The following BCAS3 variants were observed in gnomAD, a reference collection of about 807,000 sequenced individuals.
The protein encoded by BCAS3 is BCAS3 microtubule associated cell migration factor.
Under a neutral mutation model 116.1 loss-of-function variants are expected in BCAS3, and 53 were observed. The ratio of observed to expected loss-of-function variants is 0.46; its 90% confidence interval spans 0.37 to 0.57. The LOEUF (loss-of-function observed/expected upper bound fraction) is 0.57. Among genes scored for constraint, BCAS3 ranks in the 20% least tolerant of loss-of-function variants. The pLI is 0.00. For missense variants in BCAS3, 917 were observed against 1,165.4 expected (o/e 0.79, Z 3.10); for synonymous variants, 391 against 408.2 (o/e 0.96, Z 0.51).
Position 61,087,968 on chromosome 17 carries a change from G to GGT in BCAS3, c.2425+3405_2425+3406dup, listed in dbSNP as rs1306166226. ...GAGGCCGAAGCGGTGGATCACTTGA[G>GGT]GTCAGGTGTTTGAGACCAGCCTGGC... is the stretch of plus-strand genomic sequence containing the variant. On this transcript the variant is annotated intron_variant, in intron 22 of 23. Coordinates refer to ENST00000407086, the MANE Select transcript of BCAS3 (RefSeq NM_017679.5). This position sits in a 1 kb window ranked among gnomAD's most constrained non-coding sequence, Gnocchi z 4.6. Among the ~76,000 whole-genome samples, 1 of 152,090 alleles carries GGT rather than the reference G, an allele frequency of 6.6e-6. No homozygotes were observed. Among genetic ancestry groups the GGT allele is most frequent in the African/African-American group, 2.4e-5 (1 of 41,394 alleles).
chr17:61,377,481 G>A lies in BCAS3; in HGVS notation c.2593+8987G>A, dbSNP rs573991650. On this transcript the variant is annotated intron_variant, in intron 23 of 23. Coordinates refer to ENST00000407086, the MANE Select transcript of BCAS3 (RefSeq NM_017679.5). This position sits in a 1 kb window ranked among gnomAD's most constrained non-coding sequence, Gnocchi z 4.6. ...TTCCCAGCACCAAGCTCCCGCTATTGGGAAGAATGTGGTGTTTTTTTCCCC... is the reference window on the plus strand; with the variant it reads ...TTCCCAGCACCAAGCTCCCGCTATTAGGAAGAATGTGGTGTTTTTTTCCCC... Among the ~76,000 whole-genome samples, 1 of 152,228 alleles carries A rather than the reference G, an allele frequency of 6.6e-6. No individual in the cohort carries two copies. The highest frequency in any genetic ancestry group is 1.5e-5 in the Non-Finnish European group (1 of 68,046).
chr17:60,727,250 G>A, intron 5 of BCAS3: 1 of 1,006,816 alleles, frequency 9.9e-7, no homozygotes, highest in Non-Finnish European at 1.6e-6. Flanking sequence ...CATCCTCTTG[G>A]ATCTGCAGTT....
At chr17:61,044,578 T>C (rs572344457) in intron 19 of BCAS3, among the ~76,000 whole-genome samples, 1 of 151,528 alleles carries the variant, frequency 6.6e-6, no homozygotes, top group Admixed American at 6.6e-5. Flanking sequence ...AACTTATCAA[T>C]GATGTTAAAT....
At chr17:61,277,273 A>C (rs2050843842) in intron 22 of BCAS3, among the ~76,000 whole-genome samples, 1 of 151,340 alleles carries the variant, frequency 6.6e-6, no homozygotes, top group Non-Finnish European at 1.5e-5. Flanking sequence ...AAAAAAAAAA[A>C]AAAAAAAAAA....
chr17:61,180,616 G>A lies in BCAS3; in HGVS notation c.2425+96052G>A, dbSNP rs1208022135. 1.3e-5 allele frequency among the ~76,000 whole-genome samples: 2 copies of A among 152,204 alleles called. No individual in the cohort carries two copies. The highest frequency in any genetic ancestry group is 2.9e-5 in the Non-Finnish European group (2 of 68,034). On this transcript the variant is annotated intron_variant, in intron 22 of 23. Coordinates refer to ENST00000407086, the MANE Select transcript of BCAS3 (RefSeq NM_017679.5). This position sits in a 1 kb window ranked among gnomAD's most constrained non-coding sequence, Gnocchi z 6.0. ...CTCAGAGGACCCAATAGCAAATGAG[G>A]CACTTAGATAGCATGTGATGGCAGA...
At chr17:61,157,690 G>A (rs1428627227) in intron 22 of BCAS3, among the ~76,000 whole-genome samples, 1 of 147,168 alleles carries the variant, frequency 6.8e-6, no homozygotes, top group Non-Finnish European at 1.5e-5. Flanking sequence ...TTTCAGTGGA[G>A]AGGCTCGCCA....
chr17:61,040,239 T>A (rs1226983545), intron 18 of BCAS3, among the ~76,000 whole-genome samples: 1 of 152,208 alleles, frequency 6.6e-6, no homozygotes, highest in Admixed American at 6.5e-5. Flanking sequence ...GCTGGATTGA[T>A]CTGATCAATA....
rs748261050 is a variant in BCAS3, at chr17:60,910,624, C to T, written c.915C>T (p.Ile305=). Reference sequence around the variant, plus strand: ...GTGTGACAGAAGATGATGTTGCCATCCACAGTAATTCACGGCGGAGTCCTT... The same window carrying T: ...GTGTGACAGAAGATGATGTTGCCATTCACAGTAATTCACGGCGGAGTCCTT... ...PSGVTEDDVA[I]HSNSRRSPLV... is the part of the protein sequence containing the mutation. The change falls in exon 12 of 24, where the codon ATC becomes ATT. Residue 305 remains isoleucine (I), a synonymous_variant. Transcript: ENST00000407086. The T allele has an allele frequency of 6.2e-7, 1 of 1,613,640 alleles. No individual in the cohort carries two copies. Among genetic ancestry groups the T allele is most frequent in the South Asian group, 1.1e-5 (1 of 91,044 alleles).
At position 61,285,815 on chromosome 17, in the gene BCAS3, G is replaced by GT. The variant is rs1179698974; in HGVS notation, c.2426-82509dup. ...AAAGGAGCCTGCAGCTGAGCCTCGA[G>GT]TTTCTCATGTCTTCCCTCCCATCTC... On this transcript the variant is annotated intron_variant, in intron 22 of 23. Coordinates refer to ENST00000407086, the MANE Select transcript of BCAS3 (RefSeq NM_017679.5). The surrounding 1 kb of genome is among the most constrained non-coding windows in gnomAD (Gnocchi z 5.4). Among the ~76,000 whole-genome samples the GT allele has an allele frequency of 6.6e-6, 1 of 152,168 alleles. No homozygotes were observed. The highest frequency in any genetic ancestry group is 6.5e-5 in the Admixed American group (1 of 15,278).
chr17:60,717,447 C>G (rs1368506812), intron 5 of BCAS3, among the ~76,000 whole-genome samples: 2 of 152,020 alleles, frequency 1.3e-5, no homozygotes, highest in Non-Finnish European at 2.9e-5. Context: ...AACCCCTGAC[C>G]TCAAGTGATC....
intron 6 of BCAS3, among the ~76,000 whole-genome samples, chr17:60,772,855 A>G (rs2044865039): frequency 6.6e-6 from 1 of 152,142 alleles, no homozygotes; most frequent in African/African-American, 2.4e-5. Flanking sequence ...CCTGGGCAAC[A>G]GAGTGAGACT....
chr17:60,905,981 A>G (rs1246452489), intron 11 of BCAS3, among the ~76,000 whole-genome samples: 3 of 152,202 alleles, frequency 2.0e-5, no homozygotes, highest in Non-Finnish European at 4.4e-5. Flanking sequence ...ATGTGGTTAC[A>G]AAGAAAAGGT....
At chr17:61,353,387 G>A (rs1350865698) in intron 22 of BCAS3, among the ~76,000 whole-genome samples, 2 of 152,162 alleles carry the variant, frequency 1.3e-5, no homozygotes, top group African/African-American at 2.4e-5. Flanking sequence ...GTCTGGGGAG[G>A]GGTCTGAGCA....
Position 60,947,324 on chromosome 17 carries a change from C to T in BCAS3, c.1193C>T (p.Thr398Ile), listed in dbSNP as rs1242760545. 1 of 1,613,656 alleles carries T rather than the reference C, an allele frequency of 6.2e-7. No individual in the cohort carries two copies. Residue 398 changes from threonine (T) to isoleucine (I), a missense_variant, in exon 14 of 24, where the codon ACT becomes ATT. Thr to Ile is a moderately conservative substitution (Grantham distance 89). Transcript: ENST00000407086. ...CAATGTGCTGTCCACCATCTGTATA[C>T]TCTTCACAGGGGAGAAACTGAAGCC... ...SSQCAVHHLY[T>I]LHRGETEAKV...
In BCAS3 at chr17:61,388,391, T is replaced by G; in HGVS notation, c.2594-3586T>G. On this transcript the variant is annotated intron_variant, in intron 23 of 23. Transcript: ENST00000407086. The surrounding 1 kb of genome is among the most constrained non-coding windows in gnomAD (Gnocchi z 6.5). ...CCCTCCCCCACTCTGAACGGGGTCT[T>G]GGCCCCCTCTGTCACAGCAGATCCA... The G allele has an allele frequency of 2.0e-6, 1 of 497,994 alleles. No homozygotes were observed. Among genetic ancestry groups the G allele is most frequent in the East Asian group, 3.5e-5 (1 of 28,650 alleles). 30.8% of individuals were successfully genotyped at this position (497,994 alleles called of 1,614,324 possible).
intron 14 of BCAS3, chr17:60,986,886 A>G (rs2145419902): frequency 6.7e-6 from 1 of 148,586 alleles, no homozygotes; most frequent in Non-Finnish European, 1.5e-5. Flanking sequence ...TTGTAGGGTA[A>G]TACTCAAGAA....
intron 4 of BCAS3, among the ~76,000 whole-genome samples, chr17:60,704,991 A>C (rs899684476): frequency 2.6e-5 from 4 of 151,962 alleles, no homozygotes; most frequent in Non-Finnish European, 5.9e-5. Flanking sequence ...GGCCACATGG[A>C]CCTTTTAAGG....
At chr17:60,912,890 T>C (rs2058591327) in intron 12 of BCAS3, among the ~76,000 whole-genome samples, 1 of 152,060 alleles carries the variant, frequency 6.6e-6, no homozygotes, top group African/African-American at 2.4e-5. Flanking sequence ...GATGGAGAGA[T>C]TTGGGATTAT....
chr17:61,103,759 T>C (rs2074474114), intron 22 of BCAS3, among the ~76,000 whole-genome samples: 1 of 152,194 alleles, frequency 6.6e-6, no homozygotes, highest in Non-Finnish European at 1.5e-5. Flanking sequence ...TATCTTCCTA[T>C]TTTGATAATC....
Sources: gnomAD v4.1 joint callset for allele counts (sites outside exome capture counted in the v4.1 genomes callset) on GRCh38, gnomAD v4.1.1 for gene constraint, Gnocchi (gnomAD v3.1) non-coding constraint, MANE v1.5 for transcripts, NCBI Gene and HGNC (gene_info 2026-07-23, HGNC 2026-07-21) for gene names.